The following ZNF93 variants were observed in gnomAD, a reference collection of about 807,000 sequenced individuals.
ZNF93 encodes the protein zinc finger protein 505.
In ZNF93, 29 loss-of-function variants were observed where a neutral mutation model predicts 45.0. That is an observed-to-expected ratio of 0.64 (90% CI 0.48 to 0.88). ZNF93 has a LOEUF of 0.88. Ranked by LOEUF, ZNF93 falls within the 40% of genes least tolerant of loss-of-function variation. ZNF93 has a pLI of 0.00. For missense variants in ZNF93, 578 were observed against 724.0 expected, an observed-to-expected ratio of 0.80 and a Z score of 2.31; for synonymous variants, 223 against 244.6, an observed-to-expected ratio of 0.91 and a Z score of 0.82.
intron 3 of ZNF93, among the ~76,000 whole-genome samples, chr19:19,919,553 A>G (rs986406165): frequency 3.3e-5 from 5 of 152,076 alleles, no homozygotes; most frequent in African/African-American, 1.2e-4. Context: ...CAGTATGGCC[A>G]TTTTCATGAT....
intron 3 of ZNF93, among the ~76,000 whole-genome samples, chr19:19,918,066 C>T (rs573781776): frequency 3.9e-5 from 6 of 151,966 alleles, no homozygotes; most frequent in Non-Finnish European, 1.5e-5. Context: ...TCGTCATTTA[C>T]ATTAGGTGTA....
intron 3 of ZNF93, among the ~76,000 whole-genome samples, chr19:19,929,222 T>C (rs188886467): frequency 6.8e-4 from 104 of 152,328 alleles, no homozygotes; most frequent in African/African-American, 2.2e-3. Context: ...TTTTAAGCTT[T>C]CTGAAATCCT....
At chr19:19,912,145 C>T (rs564536406) in intron 1 of ZNF93, among the ~76,000 whole-genome samples, 1 of 152,150 alleles carries the variant, frequency 6.6e-6, no homozygotes, top group South Asian at 2.1e-4. Context: ...AAGTTGCATA[C>T]TAGTATATAG....
chr19:19,919,552 C>T, intron 3 of ZNF93, among the ~76,000 whole-genome samples: 1 of 152,078 alleles, frequency 6.6e-6, no homozygotes, highest in Admixed American at 6.5e-5. Context: ...GCAGTATGGC[C>T]ATTTTCATGA....
intron 3 of ZNF93, among the ~76,000 whole-genome samples, chr19:19,918,126 G>A (rs1467342103): frequency 1.3e-5 from 2 of 148,186 alleles, no homozygotes; most frequent in Non-Finnish European, 3.0e-5. Context: ...ACAGGCCCCA[G>A]TGTGTGATGT....
chr19:19,929,677 G>A (rs1036933932), intron 3 of ZNF93, among the ~76,000 whole-genome samples: 12 of 152,024 alleles, frequency 7.9e-5, no homozygotes, highest in African/African-American at 2.9e-4. Context: ...GGTGGCTCAC[G>A]CCTGTAATCC....
intron 1 of ZNF93, among the ~76,000 whole-genome samples, chr19:19,902,831 G>A (rs914638024): frequency 7.3e-5 from 11 of 151,470 alleles, no homozygotes. Flanking sequence ...CCGCCTCCCG[G>A]GTTCACGCCA....
chr19:19,925,004 C>G (rs566640212), intron 3 of ZNF93, among the ~76,000 whole-genome samples: 1 of 152,196 alleles, frequency 6.6e-6, no homozygotes, highest in Admixed American at 6.6e-5. Flanking sequence ...GTCTGTAGGC[C>G]TGCCTACATG....
chr19:19,931,471 A>C (rs915900354), intron 3 of ZNF93, among the ~76,000 whole-genome samples: 1 of 151,968 alleles, frequency 6.6e-6, no homozygotes, highest in Admixed American at 6.6e-5. Context: ...GATTACTAGC[A>C]TGAGCCACTG....
chr19:19,934,550 C>T lies in ZNF93; in HGVS notation c.1595C>T (p.Thr532Ile), dbSNP rs754734132. 64 of 1,613,300 alleles carry T rather than the reference C, an allele frequency of 4.0e-5. No individual in the cohort carries two copies. The highest frequency in any genetic ancestry group is 5.3e-5 in the Non-Finnish European group (62 of 1,179,996). Residue 532 changes from threonine to isoleucine, a missense_variant, in exon 4 of 4, where the codon ACT becomes ATT. Physicochemically the swap from Thr to Ile is moderately conservative, Grantham distance 89. This residue lies in a region of ZNF93 where 119 missense variants were observed against 123.1 expected (regional missense o/e 0.97). Transcript: ENST00000343769. ...CTTATTAAACATAAGAAAATTCATA[C>T]TAGAGAGAAACCCTACAAATGTGAA... ...STLIKHKKIH[T>I]REKPYKCEEC...
At chr19:19,911,334 T>C (rs2063307300) in intron 1 of ZNF93, among the ~76,000 whole-genome samples, 1 of 152,224 alleles carries the variant, frequency 6.6e-6, no homozygotes, top group African/African-American at 2.4e-5. Context: ...AGCAGAATTT[T>C]GTCAGGCTGA....
At position 19,933,684 on chromosome 19, in the gene ZNF93, C is replaced by G. The variant is rs1380410470; in HGVS notation, c.729C>G (p.Thr243=). 1.9e-6 allele frequency: 3 copies of G among 1,612,508 alleles called. No homozygotes were observed. The highest frequency in any genetic ancestry group is 2.5e-6 in the Non-Finnish European group (3 of 1,179,376). The part of the protein sequence containing the change: ...KCDKAFIASS[T]LSKHEIIHTG... ...ACAAAGCCTTTATTGCATCCTCAAC[C>G]CTTAGTAAACATGAGATCATTCATA... Residue 243 remains threonine (T), a synonymous_variant, in exon 4 of 4, where the codon ACC becomes ACG. Coordinates refer to ENST00000343769, the MANE Select transcript of ZNF93 (RefSeq NM_031218.4).
chr19:19,919,014 C>T (rs940681908), intron 3 of ZNF93, among the ~76,000 whole-genome samples: 14 of 152,198 alleles, frequency 9.2e-5, no homozygotes, highest in African/African-American at 2.2e-4. Context: ...TTGTTTTAGA[C>T]GTGAAGTCCT....
In ZNF93 at chr19:19,933,664, G is replaced by T; in HGVS notation, c.709G>T (p.Ala237Ser). The T allele has an allele frequency of 1.2e-6, 2 of 1,612,400 alleles. No homozygotes were observed. Among genetic ancestry groups the T allele is most frequent in the Non-Finnish European group, 1.7e-6 (2 of 1,179,236 alleles). The change falls in exon 4 of 4, where the codon GCC becomes TCC. Residue 237 changes from alanine to serine, a missense_variant. By Grantham distance (99) the Ala-to-Ser change is moderately conservative. This residue lies in a region of ZNF93 where 446 missense variants were observed against 547.6 expected (regional missense o/e 0.81). Transcript: ENST00000343769. ...ATACAAGTGTGATAAATGTGACAAAGCCTTTATTGCATCCTCAACCCTTAG... is the reference window on the plus strand; with the variant it reads ...ATACAAGTGTGATAAATGTGACAAATCCTTTATTGCATCCTCAACCCTTAG... ...KPYKCDKCDKAFIASSTLSKH... is the reference protein window; with the variant it reads ...KPYKCDKCDKSFIASSTLSKH...
At chr19:19,914,895 G>A in intron 1 of ZNF93, 1 of 329,808 alleles carries the variant, frequency 3.0e-6, no homozygotes, top group South Asian at 2.5e-5. Flanking sequence ...GCATAACAAG[G>A]TCTTCAGCTT....
chr19:19,926,656 T>C (rs1278749639), intron 3 of ZNF93, among the ~76,000 whole-genome samples: 4 of 152,032 alleles, frequency 2.6e-5, no homozygotes, highest in East Asian at 1.9e-4. Flanking sequence ...CCCAGCCTCA[T>C]TGTAGGTTTC....
At chr19:19,924,931 CTG>C (rs910931434) in intron 3 of ZNF93, among the ~76,000 whole-genome samples, 1 of 152,206 alleles carries the variant, frequency 6.6e-6, no homozygotes, top group Non-Finnish European at 1.5e-5. Flanking sequence ...TGACCATAAA[CTG>C]TGGTTCAGGC....
At chr19:19,925,371 G>A (rs974929084) in intron 3 of ZNF93, among the ~76,000 whole-genome samples, 1 of 152,154 alleles carries the variant, frequency 6.6e-6, no homozygotes, top group Non-Finnish European at 1.5e-5. Context: ...TTAATGTACC[G>A]TGGAGCTGTC....
At chr19:19,922,568 G>A (rs898477106) in intron 3 of ZNF93, among the ~76,000 whole-genome samples, 5 of 152,170 alleles carry the variant, frequency 3.3e-5, no homozygotes, top group African/African-American at 1.2e-4. Flanking sequence ...ATCACTTTCA[G>A]GTACACTAAT....
Sources: allele counts gnomAD v4.1 joint callset (sites outside exome capture counted in the v4.1 genomes callset), GRCh38; gene constraint gnomAD v4.1.1; regional missense constraint gnomAD v4.1.1; transcripts MANE v1.5; gene names NCBI Gene and HGNC (gene_info 2026-07-23, HGNC 2026-07-21).